Variants in JAKMIP2 observed in about 807,000 individuals in gnomAD.
The protein encoded by JAKMIP2 is janus kinase and microtubule-interacting protein 2.
Under a neutral mutation model 115.0 loss-of-function variants are expected in JAKMIP2, and 25 were observed. The observed-to-expected ratio is 0.22, with a 90% CI of 0.16 to 0.30. The LOEUF is 0.30. JAKMIP2 is among the 10% of genes least tolerant of loss of function. JAKMIP2 has a pLI of 1.00. For synonymous variants in JAKMIP2, 334 were observed against 343.6 expected (o/e 0.97, Z 0.31); for missense variants, 642 against 957.6 (o/e 0.67, Z 4.35).
chr5:147,750,617 A>G (rs1415309862), intron 1 of JAKMIP2, among the ~76,000 whole-genome samples: 1 of 151,238 alleles, frequency 6.6e-6, no homozygotes, highest in Non-Finnish European at 1.5e-5. Flanking sequence ...ATTACATGAA[A>G]TTGCAGCATT....
intron 1 of JAKMIP2, among the ~76,000 whole-genome samples, chr5:147,743,999 TTTCCTTCCTTCCTTCCTTCC>T (rs542685199): frequency 1.5e-3 from 172 of 112,080 alleles, no homozygotes; most frequent in African/African-American, 4.5e-3. Flanking sequence ...TCCTAACTTC[TTTCCTTCCTTCCTTCCTTCC>T]TTCCTTCCTT....
rs58840721 is a variant in JAKMIP2 at position 147,624,964 on chromosome 5, C to CTATTTATT, written c.1996-1283_1996-1276dup. On this transcript the variant is annotated intron_variant, in intron 16 of 21. Transcript: ENST00000616793. ...ACTAGTGGTATCTCACTACAAGGTACTATTTATTTATTTATTTATTTATTA... is the reference window on the plus strand; with the variant it reads ...ACTAGTGGTATCTCACTACAAGGTACTATTTATTTATTTATTTATTTATTTATTTATTA... Among the ~76,000 whole-genome samples the CTATTTATT allele has an allele frequency of 9.0e-4, 136 of 150,962 alleles. 1 individual carries two copies. The highest frequency in any genetic ancestry group is 3.5e-3 in the East Asian group (18 of 5,098).
In JAKMIP2 at chr5:147,697,177, G is replaced by A. The variant is rs532296088; in HGVS notation, c.-148-25223C>T. Reference sequence around the variant, plus strand: ...CTTAATTGGACTTACAGTTTCACATGACTGAAGAGCCTTTAGAATCATGGC... The same window carrying A: ...CTTAATTGGACTTACAGTTTCACATAACTGAAGAGCCTTTAGAATCATGGC... On this transcript the variant is annotated intron_variant, in intron 1 of 21. Transcript: ENST00000616793. 1.7e-4 allele frequency among the ~76,000 whole-genome samples: 26 copies of A among 152,276 alleles called. No homozygotes were observed. In the East Asian group the frequency reaches 2.7e-3, roughly 16 times the overall value.
intron 1 of JAKMIP2, among the ~76,000 whole-genome samples, chr5:147,683,112 T>C (rs533974374): frequency 6.6e-6 from 1 of 152,334 alleles, no homozygotes; most frequent in South Asian, 2.1e-4. Context: ...AGCAATTATG[T>C]ATTCAAGGTC....
In JAKMIP2 at chr5:147,714,555, T is replaced by C. The variant is rs911776769; in HGVS notation, c.-148-42601A>G. 2.6e-5 allele frequency among the ~76,000 whole-genome samples: 4 copies of C among 152,146 alleles called. No individual in the cohort carries two copies. The East Asian group carries it at 5.8e-4, about 22-fold the overall frequency. On this transcript the variant is annotated intron_variant, in intron 1 of 21. Coordinates refer to ENST00000616793, the MANE Select transcript of JAKMIP2 (RefSeq NM_001270941.2). ...AAGAGACAGAATGGGGCTGAGGCAA[T>C]GTTGGAAGAGCTAAAGGCTAAATTT... is the stretch of plus-strand genomic sequence containing the variant.
At chr5:147,599,299 T>C (rs1055403763) in intron 21 of JAKMIP2, among the ~76,000 whole-genome samples, 2 of 152,192 alleles carry the variant, frequency 1.3e-5, no homozygotes, top group Non-Finnish European at 2.9e-5. Flanking sequence ...TATAACCATT[T>C]TGTGGAATAG....
At chr5:147,619,042 T>C (rs1756725106) in intron 18 of JAKMIP2, among the ~76,000 whole-genome samples, 1 of 152,100 alleles carries the variant, frequency 6.6e-6, no homozygotes, top group African/African-American at 2.4e-5. Context: ...TTTCTCTGAG[T>C]CTTTCTTTTG....
chr5:147,711,289 G>T (rs1317178682), intron 1 of JAKMIP2, among the ~76,000 whole-genome samples: 1 of 152,116 alleles, frequency 6.6e-6, no homozygotes, highest in Non-Finnish European at 1.5e-5. Context: ...AAGTCCACGG[G>T]AGTGATGGTA....
intron 9 of JAKMIP2, among the ~76,000 whole-genome samples, chr5:147,640,117 T>C (rs774922146): frequency 6.6e-6 from 1 of 151,990 alleles, no homozygotes; most frequent in Non-Finnish European, 1.5e-5. Flanking sequence ...TAGAATTTTC[T>C]TATTTCTTTT....
intron 1 of JAKMIP2, among the ~76,000 whole-genome samples, chr5:147,736,910 G>A (rs960781435): frequency 2.0e-5 from 3 of 152,188 alleles, no homozygotes; most frequent in Middle Eastern, 6.8e-3. Context: ...TTTGAGTTGT[G>A]CTTAGTTAGT....
chr5:147,644,112 C>A lies in JAKMIP2; in HGVS notation c.1170G>T (p.Glu390Asp). Residue 390 changes from glutamate (E) to aspartate (D), a missense_variant, in exon 7 of 22, where the codon GAG (glutamate) becomes GAT (aspartate). Transcript: ENST00000616793. ...LDQANEEQETEFLKLQVIEQQ... is the reference protein window; with the variant it reads ...LDQANEEQETDFLKLQVIEQQ... ...GCTCAATGACCTGAAGTTTTAGAAA[C>A]TCTGTTTCTTGTTCTTCATTAGCTT... 6.2e-7 allele frequency: 1 copy of A among 1,608,160 alleles called. No individual in the cohort carries two copies. The highest frequency in any genetic ancestry group is 1.1e-5 in the South Asian group (1 of 89,928).
chr5:147,739,958 C>A lies in JAKMIP2; in HGVS notation c.-149+42498G>T, dbSNP rs181735823. Among the ~76,000 whole-genome samples the A allele has an allele frequency of 5.1e-3, 772 of 152,176 alleles. 1 individual carries two copies. The highest frequency in any genetic ancestry group is 8.5e-3 in the Non-Finnish European group (581 of 68,012). On this transcript the variant is annotated intron_variant, in intron 1 of 21. Coordinates refer to ENST00000616793, the MANE Select transcript of JAKMIP2 (RefSeq NM_001270941.2). ...TCTAGTATGCACATTTTAAAGACAG[C>A]AATGGAAAATGAAAATAAAGGGTTT...
chr5:147,602,354 T>A (rs1755742135), intron 20 of JAKMIP2, among the ~76,000 whole-genome samples: 1 of 152,196 alleles, frequency 6.6e-6, no homozygotes. Context: ...CAGTGGAACA[T>A]TTCAGAGAGA....
intron 8 of JAKMIP2, 52 bp from the exon 9 acceptor site, chr5:147,640,875 T>C (rs369020368): frequency 5.5e-5 from 86 of 1,565,758 alleles, no homozygotes; most frequent in Admixed American, 7.0e-5. Flanking sequence ...GTAGGGAAAG[T>C]TGAACGTTAA....
In JAKMIP2 at chr5:147,594,030, C is replaced by T. The variant is rs139603917; in HGVS notation, c.*21-2344G>A. On this transcript the variant is annotated intron_variant, in intron 21 of 21. Coordinates refer to ENST00000616793, the MANE Select transcript of JAKMIP2 (RefSeq NM_001270941.2). ...ATGCATCATTTCCACCTATCACAAC[C>T]GAGGTAAAACCCCTCATTTGAGTAA... Among the ~76,000 whole-genome samples the T allele has an allele frequency of 5.3e-5, 8 of 152,250 alleles. No individual in the cohort carries two copies. In the East Asian group the frequency reaches 7.7e-4, roughly 15 times the overall value.
chr5:147,680,328 G>T (rs917603083), intron 1 of JAKMIP2, among the ~76,000 whole-genome samples: 1 of 152,144 alleles, frequency 6.6e-6, no homozygotes, highest in African/African-American at 2.4e-5. Flanking sequence ...TTCTGCTTCT[G>T]GGGAAATACG....
chr5:147,675,873 C>T (rs74944118), intron 1 of JAKMIP2, among the ~76,000 whole-genome samples: 11,287 of 145,904 alleles, frequency 0.077, 491 homozygotes, highest in African/African-American at 0.092. Context: ...TGGATTGATA[C>T]TTCATTTCTA....
At chr5:147,628,695 C>T (rs995076097) in intron 16 of JAKMIP2, 56 bp downstream of exon 16, 3 of 1,320,038 alleles carry the variant, frequency 2.3e-6, no homozygotes, top group Middle Eastern at 1.8e-4. Context: ...CTAGTCTGCT[C>T]GTTCAGTATT....
chr5:147,707,819 A>C (rs1268951877), intron 1 of JAKMIP2, among the ~76,000 whole-genome samples: 3 of 152,172 alleles, frequency 2.0e-5, no homozygotes, highest in African/African-American at 7.2e-5. Flanking sequence ...TCTTAGCAAA[A>C]TGAGTTGAAA....
Sources: allele counts gnomAD v4.1 joint callset (sites outside exome capture counted in the v4.1 genomes callset), GRCh38; gene constraint gnomAD v4.1.1; transcripts MANE v1.5; gene names NCBI Gene and HGNC (gene_info 2026-07-23, HGNC 2026-07-21).